The following WDFY4 variants were observed in gnomAD, a reference collection of about 807,000 sequenced individuals.
The protein encoded by WDFY4 is WDFY family member 4.
A neutral mutation model predicts 351.9 loss-of-function variants in WDFY4; 169 were observed. The ratio of observed to expected loss-of-function variants is 0.48; its 90% CI spans 0.42 to 0.55. WDFY4 has a LOEUF of 0.55. Ranked by LOEUF, WDFY4 falls within the 20% of genes least tolerant of loss-of-function variation. The pLI, the probability that WDFY4 is intolerant of heterozygous loss-of-function variation, is 0.00. For missense variants in WDFY4, 3,803 were observed against 3,935.6 expected (o/e 0.97, Z 0.90); for synonymous variants, 1,622 against 1,574.6 (o/e 1.03, Z -0.71).
intron 25 of WDFY4, among the ~76,000 whole-genome samples, chr10:48,804,562 C>CAAAA (rs58660119): frequency 4.9e-5 from 5 of 101,608 alleles, no homozygotes; most frequent in East Asian, 2.2e-4. Flanking sequence ...TGTGTTAATA[C>CAAAA]AAAAAAAAAA....
chr10:48,725,973 T>TCGGGAGCA lies in WDFY4; in HGVS notation c.686_693dup (p.Ser232GlyfsTer16). On this transcript the variant is annotated frameshift_variant, in exon 6 of 62. Transcript: ENST00000325239. LOFTEE classifies it high-confidence loss of function. ...CTCTGCTGATTGCCACGACCTGCCTTCGGGAGCACAGCTGCTGCTTCTGGA... is the reference window on the plus strand; with the variant it reads ...CTCTGCTGATTGCCACGACCTGCCTTCGGGAGCACGGGAGCACAGCTGCTGCTTCTGGA... The TCGGGAGCA allele has an allele frequency of 6.4e-7, 1 of 1,551,746 alleles. No individual in the cohort carries two copies. Among genetic ancestry groups the TCGGGAGCA allele is most frequent in the Non-Finnish European group, 8.7e-7 (1 of 1,147,008 alleles).
At chr10:48,829,382 A>T (rs1292262882) in intron 37 of WDFY4, among the ~76,000 whole-genome samples, 1 of 152,192 alleles carries the variant, frequency 6.6e-6, no homozygotes, top group Non-Finnish European at 1.5e-5. Flanking sequence ...TTATTCTTGG[A>T]TTTACTAATC....
At chr10:48,955,707 T>C (rs1423295557) in intron 51 of WDFY4, among the ~76,000 whole-genome samples, 1 of 152,252 alleles carries the variant, frequency 6.6e-6, no homozygotes, top group Non-Finnish European at 1.5e-5. Flanking sequence ...AGAGATCATC[T>C]GAGCATGGAC....
intron 11 of WDFY4, among the ~76,000 whole-genome samples, chr10:48,742,302 C>A (rs949880469): frequency 1.3e-5 from 2 of 152,216 alleles, no homozygotes; most frequent in African/African-American, 4.8e-5. Context: ...CATTCCATTG[C>A]AGGTTTCTCT....
In WDFY4 at chr10:48,814,033, C is replaced by G; in HGVS notation, c.5291C>G (p.Thr1764Arg). 1 of 1,550,602 alleles carries G rather than the reference C, an allele frequency of 6.4e-7. No individual in the cohort carries two copies. The highest frequency in any genetic ancestry group is 8.7e-7 in the Non-Finnish European group (1 of 1,146,272). The change falls in exon 31 of 62, where the codon ACA becomes AGA. Residue 1764 changes from threonine to arginine, a missense_variant. Physicochemically the swap from Thr to Arg is moderately conservative, Grantham distance 71. This residue lies in a region of WDFY4 where 3,054 missense variants were observed against 3,148.6 expected (regional missense o/e 0.97). Coordinates refer to ENST00000325239, the MANE Select transcript of WDFY4 (RefSeq NM_001394531.1). ...GAAGTCCTCCAGGCTGGGCTGTGCACAGAAGGTGCCTTGCTCCTCCTGGAA... is the reference window on the plus strand; with the variant it reads ...GAAGTCCTCCAGGCTGGGCTGTGCAGAGAAGGTGCCTTGCTCCTCCTGGAA... ...QEEVLQAGLCTEGALLLLEML... is the reference protein window; with the variant it reads ...QEEVLQAGLCREGALLLLEML...
At chr10:48,701,690 G>T (rs576090513) in intron 1 of WDFY4, among the ~76,000 whole-genome samples, 1 of 152,322 alleles carries the variant, frequency 6.6e-6, no homozygotes, top group East Asian at 1.9e-4. Context: ...AAGGTGGAGC[G>T]TGTGGACTTT....
At chr10:48,862,320 T>C (rs1009178324) in intron 39 of WDFY4, among the ~76,000 whole-genome samples, 17 of 152,228 alleles carry the variant, frequency 1.1e-4, no homozygotes, top group African/African-American at 4.1e-4. Flanking sequence ...AATTCACCTA[T>C]TTAAAGTAAA....
Position 48,951,595 on chromosome 10 carries a change from C to T in WDFY4, c.7977+4626C>T, listed in dbSNP as rs183226544. ...ACTCCTGGATAATTAAACAAACAAG[C>T]AAACAAAAACAAACAAACAAAAACA... On this transcript the variant is annotated intron_variant, in intron 51 of 61. Transcript: ENST00000325239. 1.8e-3 allele frequency among the ~76,000 whole-genome samples: 274 copies of T among 151,912 alleles called. 1 individual carries two copies. The highest frequency in any genetic ancestry group is 6.4e-3 in the African/African-American group (264 of 41,512).
At chr10:48,910,374 G>C in intron 47 of WDFY4, 1 of 884,662 alleles carries the variant, frequency 1.1e-6, no homozygotes, top group Non-Finnish European at 1.9e-6. Flanking sequence ...AGGATGGTCA[G>C]GTTAGTGTGA....
chr10:48,728,491 A>T (rs1283843068), intron 7 of WDFY4, among the ~76,000 whole-genome samples: 1 of 152,190 alleles, frequency 6.6e-6, no homozygotes. Flanking sequence ...GGCGAGAATG[A>T]GACACCCTCC....
intron 13 of WDFY4, among the ~76,000 whole-genome samples, chr10:48,762,761 C>G (rs2065547475): frequency 6.6e-6 from 1 of 152,236 alleles, no homozygotes; most frequent in Non-Finnish European, 1.5e-5. Context: ...TCCCTCCAGG[C>G]AGGCTCTTTA....
intron 9 of WDFY4, among the ~76,000 whole-genome samples, chr10:48,733,541 A>G (rs541111788): frequency 6.6e-4 from 100 of 152,318 alleles, no homozygotes; most frequent in African/African-American, 2.3e-3. Context: ...GAAAATTAAG[A>G]AGGCAGGGCT....
intron 23 of WDFY4, among the ~76,000 whole-genome samples, chr10:48,792,548 G>A (rs1475938156): frequency 6.6e-6 from 1 of 152,218 alleles, no homozygotes; most frequent in Non-Finnish European, 1.5e-5. Context: ...TGAATATGCT[G>A]TTAAAGATAA....
chr10:48,850,677 C>T (rs2068928017), intron 39 of WDFY4, among the ~76,000 whole-genome samples: 4 of 152,206 alleles, frequency 2.6e-5, no homozygotes, highest in Admixed American at 2.6e-4. Flanking sequence ...GCTATGAGTA[C>T]CCTGAGTGTT....
rs557116475 is a variant in WDFY4, at chr10:48,825,424, G to A, written c.5983-1247G>A. Among the ~76,000 whole-genome samples, 13 of 152,216 alleles carry A rather than the reference G, an allele frequency of 8.5e-5. 1 individual carries two copies. Among genetic ancestry groups the A allele is most frequent in the South Asian group, 4.2e-4 (2 of 4,818 alleles). ...GAATAGTGCTGCAATGAACATACGC[G>A]TGCATGTATTTTTGTAACAGGATAA... is the stretch of plus-strand genomic sequence containing the variant. On this transcript the variant is annotated intron_variant, in intron 35 of 61. Transcript: ENST00000325239.
chr10:48,751,859 T>C (rs1283686045), intron 12 of WDFY4, among the ~76,000 whole-genome samples: 1 of 152,154 alleles, frequency 6.6e-6, no homozygotes, highest in Non-Finnish European at 1.5e-5. Context: ...GGCAGGATTT[T>C]ATAGCCAAGC....
chr10:48,954,270 C>T (rs1452595205), intron 51 of WDFY4, among the ~76,000 whole-genome samples: 1 of 152,244 alleles, frequency 6.6e-6, no homozygotes, highest in Non-Finnish European at 1.5e-5. Flanking sequence ...CTAGGCTTGG[C>T]TGGCTCCATT....
At chr10:48,699,832 T>C (rs2132136895) in intron 1 of WDFY4, among the ~76,000 whole-genome samples, 1 of 152,282 alleles carries the variant, frequency 6.6e-6, no homozygotes, top group South Asian at 2.1e-4. Context: ...AGGTAAAATC[T>C]AGATGATAGG....
intron 47 of WDFY4, among the ~76,000 whole-genome samples, chr10:48,908,739 T>C (rs1589851414): frequency 6.6e-6 from 1 of 152,320 alleles, no homozygotes; most frequent in East Asian, 1.9e-4. Flanking sequence ...TTACATTTTA[T>C]ATAGCTATAG....
Sources: allele counts gnomAD v4.1 joint callset (sites outside exome capture counted in the v4.1 genomes callset), GRCh38; gene constraint gnomAD v4.1.1; regional missense constraint gnomAD v4.1.1; transcripts MANE v1.5; gene names NCBI Gene and HGNC (gene_info 2026-07-23, HGNC 2026-07-21).